NRL: variants seen among roughly 807,000 people sequenced by gnomAD.
NRL encodes the protein neural retina-specific leucine zipper protein.
NRL carries 16 observed loss-of-function variants against 12.5 expected under a neutral mutation model. That is an observed-to-expected ratio of 1.28 (90% CI 0.87 to 1.95). The LOEUF is 1.95. NRL is among the 30% of genes most tolerant of loss of function. The pLI, the probability that NRL is intolerant of heterozygous loss-of-function variation, is 0.00. For missense variants in NRL, 314 were observed against 325.8 expected, an observed-to-expected ratio of 0.96 and a Z score of 0.28; for synonymous variants, 142 against 150.9, an observed-to-expected ratio of 0.94 and a Z score of 0.43.
intron 1 of NRL, among the ~76,000 whole-genome samples, chr14:24,105,977 G>T (rs1027403045): frequency 1.3e-5 from 2 of 152,200 alleles, no homozygotes; most frequent in African/African-American, 4.8e-5. Context: ...ATCACCTGGA[G>T]ATCTTGTTAA....
intron 1 of NRL, among the ~76,000 whole-genome samples, chr14:24,091,156 T>C (rs1417390656): frequency 6.7e-6 from 1 of 150,062 alleles, no homozygotes; most frequent in African/African-American, 2.5e-5. Flanking sequence ...TGTGTGTGTG[T>C]GTGTGTGTGT....
chr14:24,099,312 C>A, intron 1 of NRL: 1 of 1,379,910 alleles, frequency 7.2e-7, no homozygotes, highest in Non-Finnish European at 9.9e-7. Flanking sequence ...GCCTCAGCCT[C>A]ACCTCCCTCC....
At chr14:24,088,349 G>A (rs146106331) in intron 1 of NRL, among the ~76,000 whole-genome samples, 2 of 152,384 alleles carry the variant, frequency 1.3e-5, no homozygotes, top group East Asian at 3.9e-4. Flanking sequence ...GTAGCTGCTT[G>A]CAGGAGACTG....
In NRL at chr14:24,099,472, A is replaced by T. The variant is rs1210368526; in HGVS notation, c.-28+15250T>A. 4 of 1,299,024 alleles carry T rather than the reference A, an allele frequency of 3.1e-6. No homozygotes were observed. The Admixed American group carries it at 8.8e-5, about 29-fold the overall frequency. 80.5% of individuals were successfully genotyped at this position (1,299,024 alleles called of 1,614,324 possible). Reference sequence around the variant, plus strand: ...TAGTTAATAAACATTGGTCCTCCCTATTAGACCCTAGCTGCCCTTCCCCAT... The same window carrying T: ...TAGTTAATAAACATTGGTCCTCCCTTTTAGACCCTAGCTGCCCTTCCCCAT... On this transcript the variant is annotated intron_variant, in intron 1 of 2. Transcript: ENST00000561028.
intron 1 of NRL, among the ~76,000 whole-genome samples, chr14:24,090,774 G>T (rs555284084): frequency 6.6e-6 from 1 of 152,236 alleles, no homozygotes; most frequent in African/African-American, 2.4e-5. Flanking sequence ...CTAAAGAAAA[G>T]TGTGTGGCAG....
chr14:24,102,703 G>A, intron 1 of NRL: 2 of 1,544,534 alleles, frequency 1.3e-6, no homozygotes, highest in Admixed American at 1.8e-5. Context: ...TGTGTGTGTT[G>A]GGGGTCGACA....
At position 24,081,527 on chromosome 14, in the gene NRL, A is replaced by G. The variant is rs777547745; in HGVS notation, c.423T>C (p.Ser141=). The G allele has an allele frequency of 6.2e-7, 1 of 1,604,618 alleles. No individual in the cohort carries two copies. The highest frequency in any genetic ancestry group is 1.1e-5 in the South Asian group (1 of 89,454). ...RFSDAALVSM[S]VRELNRQLRG... ...GCAGCTGCCGGTTTAGCTCCCGCAC[A>G]GACATCGAGACCAGCGCCGCGTCGG... Residue 141 remains serine, a synonymous_variant, in exon 3 of 3, where the codon TCT becomes TCC. Transcript: ENST00000561028. This position sits in a 1 kb window ranked among gnomAD's most constrained non-coding sequence, Gnocchi z 4.4.
Position 24,114,892 on chromosome 14 carries a change from C to T in NRL, c.-198G>A. 1.0e-6 allele frequency: 1 copy of T among 985,938 alleles called. No homozygotes were observed. The highest frequency in any genetic ancestry group is 1.1e-4 in the East Asian group (1 of 8,810). The allele number at this position is 985,938 out of a possible 1,614,324, so 61.1% of individuals were successfully genotyped here. A position where few individuals can be genotyped will look rare whatever the true frequency, so the allele number is the denominator to read the frequency against. Reference sequence around the variant, plus strand: ...GGCAGTCGGTGTAAACAAGGCCTCGCGCCGCTGCGGGTCCTGCGACCGCTC... The same window carrying T: ...GGCAGTCGGTGTAAACAAGGCCTCGTGCCGCTGCGGGTCCTGCGACCGCTC... On this transcript the variant is annotated 5_prime_UTR_variant, in exon 1 of 3. Transcript: ENST00000561028.
At chr14:24,095,594 C>T (rs1338216691) in intron 1 of NRL, among the ~76,000 whole-genome samples, 4 of 152,012 alleles carry the variant, frequency 2.6e-5, no homozygotes, top group African/African-American at 4.8e-5. Context: ...AGGCATGTGG[C>T]CTCTAGGAAG....
At chr14:24,111,312 G>A (rs114408902) in intron 1 of NRL, among the ~76,000 whole-genome samples, 8 of 152,222 alleles carry the variant, frequency 5.3e-5, no homozygotes, top group African/African-American at 1.9e-4. Flanking sequence ...GCTGTTAGAG[G>A]AGGATTCTTC....
chr14:24,099,882 C>A (rs745893663), intron 1 of NRL: 4 of 1,590,808 alleles, frequency 2.5e-6, no homozygotes, highest in Non-Finnish European at 2.6e-6. Flanking sequence ...AGCCTTTCCT[C>A]ATCAGATCTT....
chr14:24,086,353 C>T (rs892242949), intron 1 of NRL, among the ~76,000 whole-genome samples: 2 of 152,360 alleles, frequency 1.3e-5, no homozygotes, highest in Non-Finnish European at 2.9e-5. Flanking sequence ...TTTCCATACA[C>T]ATATTGGAAA....
chr14:24,079,816 C>G lies in NRL; in HGVS notation c.*1420G>C, dbSNP rs12888763. 0.51 allele frequency among the ~76,000 whole-genome samples: 76,857 copies of G among 152,096 alleles called. 22,779 individuals carry two copies. Among genetic ancestry groups the G allele is most frequent in the Non-Finnish European group, 0.67 (45,564 of 67,984 alleles). On this transcript the variant is annotated 3_prime_UTR_variant, in exon 3 of 3. Coordinates refer to ENST00000561028, the MANE Select transcript of NRL (RefSeq NM_001354768.3). Reference sequence around the variant, plus strand: ...GCCCAGAGGCCCCATCTGCCCTCCCCTTAGCCTGCTGAACTGGAGGACTGG... The same window carrying G: ...GCCCAGAGGCCCCATCTGCCCTCCCGTTAGCCTGCTGAACTGGAGGACTGG...
intron 1 of NRL, among the ~76,000 whole-genome samples, chr14:24,109,434 A>C (rs1294268147): frequency 6.6e-6 from 1 of 152,120 alleles, no homozygotes; most frequent in Non-Finnish European, 1.5e-5. Flanking sequence ...GGTGGCTCAC[A>C]CCTGTAATCC....
At chr14:24,100,360 A>C (rs961762418) in intron 1 of NRL, 9 of 1,456,780 alleles carry the variant, frequency 6.2e-6, no homozygotes, top group Non-Finnish European at 8.2e-6. Context: ...TCCCAGGCAA[A>C]ATCTCAGTTC....
At chr14:24,114,039 G>C (rs965830839) in intron 1 of NRL, among the ~76,000 whole-genome samples, 1 of 151,834 alleles carries the variant, frequency 6.6e-6, no homozygotes, top group Non-Finnish European at 1.5e-5. Context: ...CCCGCAGGAG[G>C]GGGCAGGAGG....
At chr14:24,095,832 A>G (rs1006751633) in intron 1 of NRL, among the ~76,000 whole-genome samples, 1 of 151,990 alleles carries the variant, frequency 6.6e-6, no homozygotes, top group African/African-American at 2.4e-5. Flanking sequence ...AAGCCCATGA[A>G]CCCCAGCCAG....
chr14:24,108,649 T>C (rs1488700666), intron 1 of NRL, among the ~76,000 whole-genome samples: 2 of 152,060 alleles, frequency 1.3e-5, no homozygotes, highest in East Asian at 3.9e-4. Flanking sequence ...GGTATTTACT[T>C]ATATTACATC....
At chr14:24,084,115 A>T (rs191255044) in intron 1 of NRL, among the ~76,000 whole-genome samples, 249 of 152,132 alleles carry the variant, frequency 1.6e-3, no homozygotes, top group Non-Finnish European at 1.3e-3. Context: ...TTCCAACCAC[A>T]TGTCAGACCC....
Sources: allele counts gnomAD v4.1 joint callset (sites outside exome capture counted in the v4.1 genomes callset), GRCh38; gene constraint gnomAD v4.1.1; non-coding constraint Gnocchi (gnomAD v3.1); transcripts MANE v1.5; gene names NCBI Gene and HGNC (gene_info 2026-07-23, HGNC 2026-07-21).